Variants in TUFT1 observed in about 807,000 individuals in gnomAD.
TUFT1 encodes tuftelin.
Under a neutral mutation model 57.8 loss-of-function variants are expected in TUFT1, and 43 were observed. The ratio of observed to expected loss-of-function variants is 0.74; its 90% CI spans 0.58 to 0.96. The LOEUF is 0.96. Ranked by LOEUF, TUFT1 falls within the 40% of genes least tolerant of loss-of-function variation. TUFT1 has a pLI of 0.00. For synonymous variants in TUFT1, 166 were observed against 176.7 expected, an observed-to-expected ratio of 0.94 and a Z score of 0.48; for missense variants, 459 against 489.0, an observed-to-expected ratio of 0.94 and a Z score of 0.58.
Position 151,567,169 on chromosome 1 carries a change from G to A in TUFT1, c.480+941G>A, listed in dbSNP as rs1666112097. Among the ~76,000 whole-genome samples the A allele has an allele frequency of 1.3e-5, 2 of 151,852 alleles. 1 individual carries two copies. Among genetic ancestry groups the A allele is most frequent in the South Asian group, 4.2e-4 (2 of 4,808 alleles). ...GCTTGCCTCGCCTCCCAGAGTGCTG[G>A]GATTATAGGCATGAGCCACTGTGCC... On this transcript the variant is annotated intron_variant, in intron 6 of 12. Coordinates refer to ENST00000368849, the MANE Select transcript of TUFT1 (RefSeq NM_020127.3).
chr1:151,564,400 T>C, intron 4 of TUFT1, 125 bp from the exon 5 acceptor site: 1 of 676,036 alleles, frequency 1.5e-6, no homozygotes, highest in Non-Finnish European at 2.6e-6. Flanking sequence ...CCCTCCATCC[T>C]GCAGCCAGTC....
rs775301462 is a variant in TUFT1 at position 151,581,007 on chromosome 1, C to T, written c.1074C>T (p.Ser358=). The T allele has an allele frequency of 2.5e-6, 4 of 1,614,186 alleles. No homozygotes were observed. Among genetic ancestry groups the T allele is most frequent in the Non-Finnish European group, 3.4e-6 (4 of 1,180,042 alleles). ...AACAAATCAGTCATGGCAACTTCAG[C>T]ACCCAGGCCCGGGCCAAGACAGAGA... is the stretch of plus-strand genomic sequence containing the variant. ...IEKQISHGNF[S]TQARAKTENP... Residue 358 remains serine, a synonymous_variant, in exon 12 of 13, where the codon AGC becomes AGT. Coordinates refer to ENST00000368849, the MANE Select transcript of TUFT1 (RefSeq NM_020127.3).
At chr1:151,562,564 C>T in intron 2 of TUFT1, 21 bp from the exon 3 acceptor site, 2 of 1,452,110 alleles carry the variant, frequency 1.4e-6, no homozygotes, top group African/African-American at 1.4e-5. Flanking sequence ...CTCTCTCTCT[C>T]TCTCATCTCT....
At chr1:151,576,579 T>A (rs2337363) in intron 9 of TUFT1, among the ~76,000 whole-genome samples, 135,855 of 152,212 alleles carry the variant, frequency 0.89, 60,767 homozygotes, top group South Asian at 0.98. Context: ...TTCAGGTTTG[T>A]TAACTTGCTG....
chr1:151,569,667 G>A lies in TUFT1; in HGVS notation c.491G>A (p.Cys164Tyr), dbSNP rs1666190043. The A allele has an allele frequency of 5.6e-6, 9 of 1,613,586 alleles. No homozygotes were observed. The highest frequency in any genetic ancestry group is 1.3e-5 in the African/African-American group (1 of 74,910). The change falls in exon 7 of 13, where the codon TGT (cysteine) becomes TAT (tyrosine). Residue 164 changes from cysteine to tyrosine, a missense_variant. Physicochemically the swap from Cys to Tyr is radical, Grantham distance 194. Coordinates refer to ENST00000368849, the MANE Select transcript of TUFT1 (RefSeq NM_020127.3). ...TTGTTCTGGCTGTAGGTGGACACCTGTATAAATGAGGATGTTGAGAGCTTG... is the reference window on the plus strand; with the variant it reads ...TTGTTCTGGCTGTAGGTGGACACCTATATAAATGAGGATGTTGAGAGCTTG... ...LYSSPPEVDT[C>Y]INEDVESLRK...
Position 151,561,001 on chromosome 1 carries a change from T to A in TUFT1, c.61-1090T>A, listed in dbSNP as rs549734144. 6.2e-3 allele frequency among the ~76,000 whole-genome samples: 806 copies of A among 129,972 alleles called. 7 individuals are homozygous for A. Among genetic ancestry groups the A allele is most frequent in the African/African-American group, 0.02 (760 of 37,926 alleles). The allele number at this position is 129,972 out of a possible 152,430, so 85.3% of individuals were successfully genotyped here. ...GTGTGTGTGTGTGTGTGTGTGTGTG[T>A]GTGAGTGTTTGAGACGGAGTCTTGC... On this transcript the variant is annotated intron_variant, in intron 1 of 12. Transcript: ENST00000368849.
intron 1 of TUFT1, among the ~76,000 whole-genome samples, chr1:151,546,960 TACTCCAGAGG>T (rs1665359891): frequency 6.6e-6 from 1 of 152,250 alleles, no homozygotes; most frequent in African/African-American, 2.4e-5. Flanking sequence ...CATTGCTGCT[TACTCCAGAGG>T]ACTGAATGTA....
chr1:151,582,165 CT>C lies in TUFT1; in HGVS notation c.*460del, dbSNP rs1237032415. On this transcript the variant is annotated 3_prime_UTR_variant, in exon 13 of 13. Transcript: ENST00000368849. ...TTCCTTCCACAAACACAGCTCAGTT[CT>C]TAGCAACAAACTGTTTGTTTTTCTA... The C allele has an allele frequency of 2.2e-6, 1 of 459,008 alleles. No individual in the cohort carries two copies. The highest frequency in any genetic ancestry group is 2.0e-5 in the African/African-American group (1 of 50,142). The allele number at this position is 459,008 out of a possible 1,614,324, so 28.4% of individuals were successfully genotyped here.
rs144904929 is a variant in TUFT1 at position 151,571,022 on chromosome 1, A to G, written c.594+1252A>G. 1.7e-3 allele frequency among the ~76,000 whole-genome samples: 252 copies of G among 152,338 alleles called. 2 individuals are homozygous for G. The highest frequency in any genetic ancestry group is 5.7e-3 in the African/African-American group (238 of 41,582). Reference sequence around the variant, plus strand: ...ACACCTGGCCCATGGGCAGTTTTCCAACTGCTCTGTGTGAGGTTAACCATC... The same window carrying G: ...ACACCTGGCCCATGGGCAGTTTTCCGACTGCTCTGTGTGAGGTTAACCATC... On this transcript the variant is annotated intron_variant, in intron 7 of 12. Coordinates refer to ENST00000368849, the MANE Select transcript of TUFT1 (RefSeq NM_020127.3).
At chr1:151,563,768 T>C (rs1665972388) in intron 3 of TUFT1, 136 bp from the exon 4 acceptor site, 1 of 728,510 alleles carries the variant, frequency 1.4e-6, no homozygotes, top group African/African-American at 1.8e-5. Flanking sequence ...TTAGGTCTTC[T>C]GATCCGAATC....
At chr1:151,565,674 G>T (rs12072106) in intron 5 of TUFT1, among the ~76,000 whole-genome samples, 1 of 152,200 alleles carries the variant, frequency 6.6e-6, no homozygotes, top group Non-Finnish European at 1.5e-5. Context: ...CTTTGGGTCA[G>T]AAATAATTGA....
At chr1:151,548,506 T>C (rs1210889382) in intron 1 of TUFT1, among the ~76,000 whole-genome samples, 1 of 152,130 alleles carries the variant, frequency 6.6e-6, no homozygotes, top group Non-Finnish European at 1.5e-5. Flanking sequence ...TTTCATCCTG[T>C]TGGCCAGGAT....
chr1:151,582,244 G>C lies in TUFT1; in HGVS notation c.*537G>C, dbSNP rs1294618578. 2.2e-6 allele frequency: 1 copy of C among 455,612 alleles called. No individual in the cohort carries two copies. The allele number at this position is 455,612 out of a possible 1,614,324, so 28.2% of individuals were successfully genotyped here. Reference sequence around the variant, plus strand: ...CTGGCCTCCTGCAGACAGATAGTGGGGTTACCTGGCAAGGCCTGGTGAGAG... The same window carrying C: ...CTGGCCTCCTGCAGACAGATAGTGGCGTTACCTGGCAAGGCCTGGTGAGAG... On this transcript the variant is annotated 3_prime_UTR_variant, in exon 13 of 13. Transcript: ENST00000368849.
chr1:151,554,695 C>CTTTTTTT (rs771656418), intron 1 of TUFT1, among the ~76,000 whole-genome samples: 9 of 85,652 alleles, frequency 1.1e-4, no homozygotes, highest in Non-Finnish European at 1.3e-4. Context: ...GCCCGGCCCC[C>CTTTTTTT]TTTTTTTTTT....
At chr1:151,563,877 C>T in intron 3 of TUFT1, 27 bp from the exon 4 acceptor site, 9 of 1,594,884 alleles carry the variant, frequency 5.6e-6, no homozygotes, top group Non-Finnish European at 7.7e-6. Context: ...TTTGAGGTTT[C>T]TTAACTAAAT....
At chr1:151,540,457 G>A in intron 1 of TUFT1, 31 bp downstream of exon 1, 1 of 1,613,604 alleles carries the variant, frequency 6.2e-7, no homozygotes, top group Non-Finnish European at 8.5e-7. Context: ...TGTCTTCTCC[G>A]TTTTGTATTC....
In TUFT1 at chr1:151,574,536, C is replaced by T. The variant is rs1666384972; in HGVS notation, c.723+138C>T. 4 of 1,146,876 alleles carry T rather than the reference C, an allele frequency of 3.5e-6. No homozygotes were observed. In the Admixed American group the frequency reaches 1.1e-4, roughly 31 times the overall value. The allele number at this position is 1,146,876 out of a possible 1,614,324, so 71.0% of individuals were successfully genotyped here. A position where few individuals can be genotyped will look rare whatever the true frequency, so the allele number is the denominator to read the frequency against. ...CACTTCGCACCTTCCTTTGGCAGAT[C>T]CCTTGGAATACATTTTAGCCTTCAA... On this transcript the variant is annotated intron_variant, in intron 8 of 12. Transcript: ENST00000368849.
chr1:151,565,381 CAG>C (rs1666034835), intron 5 of TUFT1, among the ~76,000 whole-genome samples: 1 of 152,274 alleles, frequency 6.6e-6, no homozygotes, highest in Admixed American at 6.5e-5. Flanking sequence ...TTGGTTCAGG[CAG>C]AGTCTTGCTC....
rs756826157 is a variant in TUFT1, at chr1:151,574,947, G to A, written c.760G>A (p.Glu254Lys). The A allele has an allele frequency of 3.8e-6, 6 of 1,578,504 alleles. No individual in the cohort carries two copies. Among genetic ancestry groups the A allele is most frequent in the Non-Finnish European group, 5.2e-6 (6 of 1,161,766 alleles). ...CTTACTGGCGAAAGTGAGGGAAGGG[G>A]AGGTGGCCCTAGAGGAACTTCGGAG... ...QALLAKVREGEVALEELRSNN... is the reference protein window; with the variant it reads ...QALLAKVREGKVALEELRSNN... Residue 254 changes from glutamate to lysine, a missense_variant, in exon 9 of 13, where the codon GAG (glutamate) becomes AAG (lysine). Glu to Lys is a moderately conservative substitution (Grantham distance 56). Transcript: ENST00000368849.
Sources: gnomAD v4.1 joint callset for allele counts (sites outside exome capture counted in the v4.1 genomes callset) on GRCh38, gnomAD v4.1.1 for gene constraint, MANE v1.5 for transcripts, NCBI Gene and HGNC (gene_info 2026-07-23, HGNC 2026-07-21) for gene names.